Variants in AGBL1 observed in about 807,000 individuals in gnomAD.
The protein encoded by AGBL1 is cytosolic carboxypeptidase 4.
AGBL1 carries 130 observed loss-of-function variants against 118.9 expected under a neutral mutation model. The ratio of observed to expected loss-of-function variants is 1.09; its 90% CI spans 0.95 to 1.26. The LOEUF is 1.26. Among genes scored for constraint, AGBL1 ranks in the 50% most tolerant of loss-of-function variants. The pLI is 0.00. For missense variants in AGBL1, 1,584 were observed against 1,298.1 expected (o/e 1.22, Z -3.38); for synonymous variants, 555 against 478.9 (o/e 1.16, Z -2.08).
chr15:86,434,601 T>A (rs2081977281), intron 18 of AGBL1, among the ~76,000 whole-genome samples: 1 of 152,246 alleles, frequency 6.6e-6, no homozygotes, highest in African/African-American at 2.4e-5. Context: ...GACTAACATT[T>A]AAGCGCTAAG....
chr15:86,447,733 T>C (rs1293033459), intron 18 of AGBL1, among the ~76,000 whole-genome samples: 1 of 152,182 alleles, frequency 6.6e-6, no homozygotes, highest in African/African-American at 2.4e-5. Flanking sequence ...GGCCAAGCAC[T>C]ATTTAAGGCC....
intron 22 of AGBL1, among the ~76,000 whole-genome samples, chr15:86,780,201 C>CT (rs34871546): frequency 1.8e-4 from 1 of 5,670 alleles, no homozygotes; most frequent in African/African-American, 2.4e-4. Context: ...CCATTGACAT[C>CT]AGTTGGCACA....
chr15:86,648,620 CG>C (rs1350030539), intron 21 of AGBL1, among the ~76,000 whole-genome samples: 3 of 152,124 alleles, frequency 2.0e-5, no homozygotes, highest in South Asian at 4.1e-4. Context: ...AAGAGTTCAC[CG>C]GAAAGGTCTG....
At chr15:86,829,555 T>A (rs545653467) in intron 22 of AGBL1, among the ~76,000 whole-genome samples, 1 of 152,102 alleles carries the variant, frequency 6.6e-6, no homozygotes, top group African/African-American at 2.4e-5. Flanking sequence ...ACTTGCCATT[T>A]GAAAAAAAAC....
At chr15:86,796,310 A>G (rs1406526221) in intron 22 of AGBL1, among the ~76,000 whole-genome samples, 2 of 152,092 alleles carry the variant, frequency 1.3e-5, no homozygotes, top group African/African-American at 2.4e-5. Flanking sequence ...AACATAATAC[A>G]CTCTGTCCTT....
chr15:86,554,618 C>T (rs994511481), intron 21 of AGBL1, 81 bp downstream of exon 21: 2 of 1,306,384 alleles, frequency 1.5e-6, no homozygotes, highest in African/African-American at 1.5e-5. Flanking sequence ...CCTGCTTTCT[C>T]ACCTAAAAGG....
chr15:86,711,129 A>G (rs1288182051), intron 22 of AGBL1, among the ~76,000 whole-genome samples: 1 of 152,128 alleles, frequency 6.6e-6, no homozygotes, highest in Non-Finnish European at 1.5e-5. Flanking sequence ...GGTAATACTG[A>G]GGTCCAAGCT....
chr15:86,647,471 C>T (rs536043549), intron 21 of AGBL1, among the ~76,000 whole-genome samples: 1 of 152,130 alleles, frequency 6.6e-6, no homozygotes, highest in Admixed American at 6.6e-5. Context: ...GAGGCCAAAG[C>T]GGGTAGATCA....
intron 5 of AGBL1, among the ~76,000 whole-genome samples, chr15:86,194,294 T>A (rs538933851): frequency 6.6e-6 from 1 of 152,340 alleles, no homozygotes; most frequent in Admixed American, 6.5e-5. Flanking sequence ...TTTTGCGTGA[T>A]CCTACTCATT....
At chr15:86,884,227 A>G (rs2079937296) in intron 22 of AGBL1, among the ~76,000 whole-genome samples, 1 of 152,192 alleles carries the variant, frequency 6.6e-6, no homozygotes, top group Non-Finnish European at 1.5e-5. Flanking sequence ...ATGACAATGG[A>G]TCTGGTAACC....
chr15:86,960,081 C>A (rs549313482), intron 23 of AGBL1, among the ~76,000 whole-genome samples: 2 of 152,098 alleles, frequency 1.3e-5, no homozygotes, highest in Non-Finnish European at 2.9e-5. Context: ...CTTCTTTAAC[C>A]TTTCTTTGTT....
At chr15:86,173,667 C>A (rs1026830279) in intron 5 of AGBL1, among the ~76,000 whole-genome samples, 1 of 152,062 alleles carries the variant, frequency 6.6e-6, no homozygotes, top group African/African-American at 2.4e-5. Flanking sequence ...ATGTGGATAT[C>A]CAGTTTTCCC....
At chr15:86,181,798 G>T (rs1300196188) in intron 5 of AGBL1, among the ~76,000 whole-genome samples, 1 of 151,908 alleles carries the variant, frequency 6.6e-6, no homozygotes, top group Non-Finnish European at 1.5e-5. Flanking sequence ...GGGGGTAAAT[G>T]ATTTATTTTT....
chr15:86,818,098 G>A (rs527802872), intron 22 of AGBL1, among the ~76,000 whole-genome samples: 1 of 151,940 alleles, frequency 6.6e-6, no homozygotes, highest in East Asian at 2.0e-4. Context: ...GTGTGTGCGT[G>A]TGCGTGTATG....
intron 17 of AGBL1, among the ~76,000 whole-genome samples, chr15:86,308,343 G>A (rs920623817): frequency 1.7e-4 from 25 of 150,236 alleles, no homozygotes; most frequent in African/African-American, 6.0e-4. Flanking sequence ...CTTATAAGAA[G>A]AGACACAAGA....
intron 5 of AGBL1, among the ~76,000 whole-genome samples, chr15:86,217,896 A>G (rs1030388381): frequency 6.6e-6 from 1 of 152,208 alleles, no homozygotes; most frequent in African/African-American, 2.4e-5. Context: ...AGGGTGCTCA[A>G]ATCTGAGCCT....
chr15:86,137,656 C>G (rs1400603716), intron 1 of AGBL1, among the ~76,000 whole-genome samples: 1 of 151,986 alleles, frequency 6.6e-6, no homozygotes, highest in Non-Finnish European at 1.5e-5. Flanking sequence ...GGTATCCTCT[C>G]AGGTTTTCTA....
At chr15:86,950,365 CTAAT>C (rs1202126856) in intron 23 of AGBL1, among the ~76,000 whole-genome samples, 3 of 150,490 alleles carry the variant, frequency 2.0e-5, no homozygotes, top group South Asian at 4.2e-4. Context: ...TTGGGAAAGA[CTAAT>C]TAGATTCATA....
At chr15:86,319,743 G>GGTTTT (rs2080074114) in intron 17 of AGBL1, among the ~76,000 whole-genome samples, 1 of 47,230 alleles carries the variant, frequency 2.1e-5, no homozygotes, top group Admixed American at 3.4e-4. Context: ...CTCTTTGGTA[G>GGTTTT]TTTTTTTTTT....
Sources: allele counts gnomAD v4.1 joint callset (sites outside exome capture counted in the v4.1 genomes callset), GRCh38; gene constraint gnomAD v4.1.1; transcripts MANE v1.5; gene names NCBI Gene and HGNC (gene_info 2026-07-23, HGNC 2026-07-21).